FBXL7: variants seen among roughly 807,000 people sequenced by gnomAD.
The protein encoded by FBXL7 is F-box and leucine rich repeat protein 7.
Under a neutral mutation model 38.3 loss-of-function variants are expected in FBXL7, and 12 were observed. The ratio of observed to expected loss-of-function variants is 0.31; its 90% CI spans 0.20 to 0.51. The LOEUF is 0.51. Ranked by LOEUF, FBXL7 falls within the 20% of genes least tolerant of loss-of-function variation. The pLI is 0.98. For missense variants in FBXL7, 567 were observed against 676.4 expected (o/e 0.84, Z 1.79); for synonymous variants, 297 against 300.9 (o/e 0.99, Z 0.13).
chr5:15,546,763 A>G (rs764217203), intron 1 of FBXL7, among the ~76,000 whole-genome samples: 1 of 152,176 alleles, frequency 6.6e-6, no homozygotes, highest in African/African-American at 2.4e-5. Context: ...CTTCTAGAAA[A>G]CTTAAAATTA....
At chr5:15,810,232 C>T (rs957411982) in intron 2 of FBXL7, among the ~76,000 whole-genome samples, 14 of 151,802 alleles carry the variant, frequency 9.2e-5, no homozygotes, top group Admixed American at 7.9e-4. Flanking sequence ...TAAACATGTG[C>T]CATTGAATAA....
chr5:15,670,833 A>T (rs1026136815), intron 2 of FBXL7, among the ~76,000 whole-genome samples: 2 of 151,868 alleles, frequency 1.3e-5, no homozygotes, highest in African/African-American at 4.8e-5. Flanking sequence ...AAAAAAAAAT[A>T]AATAAAAAGT....
chr5:15,640,143 G>C (rs2126554586), intron 2 of FBXL7, among the ~76,000 whole-genome samples: 1 of 152,246 alleles, frequency 6.6e-6, no homozygotes, highest in East Asian at 1.9e-4. Context: ...ACCACACGTT[G>C]GGTAGCTTAA....
chr5:15,843,666 T>C, intron 2 of FBXL7, among the ~76,000 whole-genome samples: 1 of 152,226 alleles, frequency 6.6e-6, no homozygotes, highest in South Asian at 2.1e-4. Flanking sequence ...TTTCTAAGAA[T>C]TTGAGACATA....
chr5:15,596,733 A>C (rs1379066384), intron 1 of FBXL7, among the ~76,000 whole-genome samples: 2 of 152,160 alleles, frequency 1.3e-5, no homozygotes, highest in Non-Finnish European at 2.9e-5. Context: ...TAATGATGAA[A>C]TCAATCATGC....
In FBXL7 at chr5:15,505,735, C is replaced by T. The variant is rs776035706; in HGVS notation, c.37+5022C>T. On this transcript the variant is annotated intron_variant, in intron 1 of 3. Transcript: ENST00000504595. ...CTTACTGAAAAGTTGGCATTTAGACCAAGACCTGAAGGACATGATGGGCTG... is the reference window on the plus strand; with the variant it reads ...CTTACTGAAAAGTTGGCATTTAGACTAAGACCTGAAGGACATGATGGGCTG... 1.3e-5 allele frequency among the ~76,000 whole-genome samples: 2 copies of T among 152,092 alleles called. 1 individual carries two copies. The highest frequency in any genetic ancestry group is 4.8e-5 in the African/African-American group (2 of 41,420).
intron 2 of FBXL7, among the ~76,000 whole-genome samples, chr5:15,758,314 T>A (rs1736353293): frequency 6.9e-6 from 1 of 145,452 alleles, no homozygotes; most frequent in Non-Finnish European, 1.5e-5. Flanking sequence ...ACAAGGGCAT[T>A]TTTTTTTTTT....
intron 2 of FBXL7, among the ~76,000 whole-genome samples, chr5:15,753,032 C>A (rs1010297489): frequency 1.3e-5 from 2 of 152,090 alleles, no homozygotes; most frequent in African/African-American, 2.4e-5. Flanking sequence ...ACATTTTCGC[C>A]GCTGCAATTC....
chr5:15,784,518 G>A (rs529583645), intron 2 of FBXL7, among the ~76,000 whole-genome samples: 9 of 151,990 alleles, frequency 5.9e-5, no homozygotes, highest in African/African-American at 9.7e-5. Flanking sequence ...CAAATCTCAC[G>A]TTGAAATGTA....
At chr5:15,577,631 T>C (rs1739012897) in intron 1 of FBXL7, among the ~76,000 whole-genome samples, 1 of 135,122 alleles carries the variant, frequency 7.4e-6, no homozygotes, top group African/African-American at 2.8e-5. Context: ...TGTGTGTGTG[T>C]GTGTGTCTAT....
At chr5:15,511,307 T>C (rs1403320603) in intron 1 of FBXL7, among the ~76,000 whole-genome samples, 1 of 152,094 alleles carries the variant, frequency 6.6e-6, no homozygotes, top group Non-Finnish European at 1.5e-5. Context: ...TTCTTTAGAG[T>C]TCACAGAGTG....
chr5:15,603,212 G>A (rs1023117495), intron 1 of FBXL7, among the ~76,000 whole-genome samples: 1 of 151,636 alleles, frequency 6.6e-6, no homozygotes, highest in Non-Finnish European at 1.5e-5. Context: ...ACTGTGTCTT[G>A]TTTTTTTTAG....
At chr5:15,738,701 T>TC (rs1202306474) in intron 2 of FBXL7, among the ~76,000 whole-genome samples, 1 of 152,002 alleles carries the variant, frequency 6.6e-6, no homozygotes, top group Non-Finnish European at 1.5e-5. Context: ...AGCTGAGGAG[T>TC]CCCCTACAGA....
At chr5:15,595,068 T>C (rs751147688) in intron 1 of FBXL7, among the ~76,000 whole-genome samples, 2 of 152,244 alleles carry the variant, frequency 1.3e-5, no homozygotes, top group African/African-American at 4.8e-5. Context: ...GCTCCACGTG[T>C]AGTCTTTTCG....
chr5:15,732,741 T>C (rs2126665168), intron 2 of FBXL7, among the ~76,000 whole-genome samples: 1 of 152,306 alleles, frequency 6.6e-6, no homozygotes. Context: ...AAGAATTTAT[T>C]TTCATGGGCA....
At chr5:15,725,524 A>G (rs1246540341) in intron 2 of FBXL7, among the ~76,000 whole-genome samples, 1 of 152,222 alleles carries the variant, frequency 6.6e-6, no homozygotes, top group Non-Finnish European at 1.5e-5. Context: ...GATATCTGTC[A>G]TTTTAAATCT....
rs373530586 is a variant in FBXL7 at position 15,603,409 on chromosome 5, A to T, written c.38-12574A>T. Among the ~76,000 whole-genome samples, 8 of 152,276 alleles carry T rather than the reference A, an allele frequency of 5.3e-5. No homozygotes were observed. In the South Asian group the frequency reaches 1.7e-3, roughly 32 times the overall value. On this transcript the variant is annotated intron_variant, in intron 1 of 3. Coordinates refer to ENST00000504595, the MANE Select transcript of FBXL7 (RefSeq NM_012304.5). The stretch of plus-strand genomic sequence containing the variant: ...TTTCTCATGATACTTCTATGAGTCT[A>T]TCTTGACTATTACCCATTTTACAGA...
chr5:15,761,456 T>C (rs74826860), intron 2 of FBXL7, among the ~76,000 whole-genome samples: 55 of 152,294 alleles, frequency 3.6e-4, no homozygotes, highest in African/African-American at 1.2e-3. Flanking sequence ...TTTCAGCCCA[T>C]TGAATCTCTT....
At chr5:15,546,775 A>T (rs1399004121) in intron 1 of FBXL7, among the ~76,000 whole-genome samples, 1 of 152,138 alleles carries the variant, frequency 6.6e-6, no homozygotes, top group Non-Finnish European at 1.5e-5. Context: ...TTAAAATTAC[A>T]TATGGGTCTC....
Sources: allele counts gnomAD v4.1 joint callset (sites outside exome capture counted in the v4.1 genomes callset), GRCh38; gene constraint gnomAD v4.1.1; transcripts MANE v1.5; gene names NCBI Gene and HGNC (gene_info 2026-07-23, HGNC 2026-07-21).